The following CFAP221 variants were observed in gnomAD, a reference collection of about 807,000 sequenced individuals.
The protein encoded by CFAP221 is cilia and flagella associated protein 221.
CFAP221 carries 97 observed loss-of-function variants against 113.1 expected under a neutral mutation model. The ratio of observed to expected loss-of-function variants is 0.86; its 90% CI spans 0.73 to 1.02. The LOEUF (loss-of-function observed/expected upper bound fraction) is 1.02. CFAP221 is among the 50% of genes least tolerant of loss of function. The pLI, the probability that CFAP221 is intolerant of heterozygous loss-of-function variation, is 0.00. For missense variants in CFAP221, 1,025 were observed against 1,013.4 expected (o/e 1.01, Z -0.16); for synonymous variants, 331 against 354.4 (o/e 0.93, Z 0.74).
chr2:119,562,081 T>G lies in CFAP221; in HGVS notation c.494T>G (p.Phe165Cys). The G allele has an allele frequency of 1.3e-6, 2 of 1,535,080 alleles. No homozygotes were observed. The highest frequency in any genetic ancestry group is 1.7e-6 in the Non-Finnish European group (2 of 1,146,288). The part of the protein sequence containing the change: ...PVMNSLDFPS[F>C]INLSNVLLGE... The stretch of plus-strand genomic sequence containing the variant: ...ATGAACTCACTAGACTTTCCTTCAT[T>G]TATAAATCTGTCAAATGTTCTACTT... Residue 165 changes from phenylalanine to cysteine, a missense_variant, in exon 6 of 24, where the codon TTT becomes TGT. Phe to Cys is a radical substitution (Grantham distance 205, BLOSUM62 -2). Coordinates refer to ENST00000413369, the MANE Select transcript of CFAP221 (RefSeq NM_001271049.2).
intron 8 of CFAP221, chr2:119,602,886 C>T (rs1046952604): frequency 6.1e-5 from 36 of 585,732 alleles, no homozygotes; most frequent in African/African-American, 3.8e-4. Flanking sequence ...TTTACATGCA[C>T]GACAGCATTG....
In CFAP221 at chr2:119,562,046, C is replaced by T; in HGVS notation, c.459C>T (p.Ala153=). 1 of 1,535,290 alleles carries T rather than the reference C, an allele frequency of 6.5e-7. No individual in the cohort carries two copies. Among genetic ancestry groups the T allele is most frequent in the Non-Finnish European group, 8.7e-7 (1 of 1,146,580 alleles). The stretch of plus-strand genomic sequence containing the variant: ...ACACTTTGCTTGTTCCTATTCATGC[C>T]TATCCAGTCATGAACTCACTAGACT... ...GDDTLLVPIH[A]YPVMNSLDFP... is the part of the protein sequence containing the mutation. Residue 153 remains alanine (A), a synonymous_variant, in exon 6 of 24, where the codon GCC becomes GCT. Transcript: ENST00000413369.
intron 7 of CFAP221, among the ~76,000 whole-genome samples, 157 bp downstream of exon 7, chr2:119,587,379 T>C (rs1683297772): frequency 6.6e-6 from 1 of 152,268 alleles, no homozygotes; most frequent in African/African-American, 2.4e-5. Context: ...GGATCATTTG[T>C]ATCATGCAGA....
At chr2:119,574,247 A>T (rs954077336) in intron 6 of CFAP221, among the ~76,000 whole-genome samples, 17 of 143,750 alleles carry the variant, frequency 1.2e-4, no homozygotes, top group Non-Finnish European at 2.1e-4. Context: ...TGTATGTACC[A>T]GGGGCAGTGG....
intron 19 of CFAP221, 122 bp from the exon 20 acceptor site, chr2:119,638,133 AGCTG>A: frequency 1.1e-6 from 1 of 919,864 alleles, no homozygotes; most frequent in Non-Finnish European, 1.6e-6. Context: ...TTTCCAGACA[AGCTG>A]ACATGGAGTC....
intron 6 of CFAP221, among the ~76,000 whole-genome samples, chr2:119,562,754 A>G (rs1681350257): frequency 6.6e-6 from 1 of 152,174 alleles, no homozygotes; most frequent in Non-Finnish European, 1.5e-5. Flanking sequence ...CTAGATGGAT[A>G]TTGAGCTGTT....
intron 23 of CFAP221, among the ~76,000 whole-genome samples, chr2:119,653,953 C>T (rs567257604): frequency 1.3e-5 from 2 of 152,204 alleles, no homozygotes; most frequent in East Asian, 1.9e-4. Flanking sequence ...CTTGTTTTGC[C>T]TATTTTGCCT....
intron 1 of CFAP221, among the ~76,000 whole-genome samples, chr2:119,545,799 A>T (rs533226715): frequency 2.0e-5 from 3 of 152,312 alleles, no homozygotes; most frequent in African/African-American, 7.2e-5. Flanking sequence ...GGCCCCTGCA[A>T]TGAACTCAAG....
downstream of CFAP221, among the ~76,000 whole-genome samples, chr2:119,658,938 C>A (rs1289961383): frequency 6.6e-6 from 1 of 151,510 alleles, no homozygotes; most frequent in Non-Finnish European, 1.5e-5. Flanking sequence ...CTGCAGTGAG[C>A]CATGATCACA....
chr2:119,628,294 G>GGGGGGTGTGT (rs1553491014), intron 16 of CFAP221, among the ~76,000 whole-genome samples: 1 of 137,488 alleles, frequency 7.3e-6, no homozygotes, highest in East Asian at 2.2e-4. Flanking sequence ...CTCTCTGGGG[G>GGGGGGTGTGT]GTGTGTGTGT....
chr2:119,553,905 G>C (rs912703643), intron 3 of CFAP221, among the ~76,000 whole-genome samples: 5 of 152,152 alleles, frequency 3.3e-5, no homozygotes, highest in African/African-American at 1.2e-4. Flanking sequence ...TCACTTTAAT[G>C]TAAGAGTTGT....
chr2:119,568,990 G>GT (rs964138918), intron 6 of CFAP221, among the ~76,000 whole-genome samples: 3 of 151,652 alleles, frequency 2.0e-5, no homozygotes, highest in East Asian at 3.9e-4. Context: ...TGAGTCGGTG[G>GT]TTTTTTTTCC....
At chr2:119,565,160 C>G (rs1328482968) in intron 6 of CFAP221, among the ~76,000 whole-genome samples, 1 of 152,184 alleles carries the variant, frequency 6.6e-6, no homozygotes, top group African/African-American at 2.4e-5. Context: ...ACAGTACTTC[C>G]TCCTTCCCAC....
chr2:119,602,590 C>T (rs759684716), intron 8 of CFAP221: 195 of 981,190 alleles, frequency 2.0e-4, no homozygotes, highest in Non-Finnish European at 1.8e-4. Flanking sequence ...ATATTTATAT[C>T]ATGATTTTTC....
At chr2:119,572,543 CCCAA>C (rs1444782455) in intron 6 of CFAP221, 2 of 701,228 alleles carry the variant, frequency 2.9e-6, no homozygotes, top group African/African-American at 3.5e-5. Context: ...CTGTAGTTTA[CCCAA>C]CAGCGTCTTC....
chr2:119,605,682 G>A (rs1383749634), intron 11 of CFAP221, among the ~76,000 whole-genome samples: 1 of 152,160 alleles, frequency 6.6e-6, no homozygotes, highest in Non-Finnish European at 1.5e-5. Context: ...AGTGGGGTGA[G>A]GCTCTGGGGG....
intron 6 of CFAP221, among the ~76,000 whole-genome samples, chr2:119,566,281 G>A (rs1481113460): frequency 6.6e-6 from 1 of 152,176 alleles, no homozygotes; most frequent in Non-Finnish European, 1.5e-5. Flanking sequence ...TCTACTAAAA[G>A]TGAGTCGGCT....
intron 22 of CFAP221, among the ~76,000 whole-genome samples, chr2:119,650,462 T>C (rs1395840916): frequency 6.6e-6 from 1 of 152,234 alleles, no homozygotes; most frequent in East Asian, 1.9e-4. Context: ...GATACAAACA[T>C]ACCCAACTCC....
At chr2:119,625,742 G>A (rs370591485) in intron 15 of CFAP221, 54 bp downstream of exon 15, 28 of 1,446,756 alleles carry the variant, frequency 1.9e-5, no homozygotes, top group East Asian at 1.4e-4. Context: ...GCCTCTGAGC[G>A]TGAACTTTCC....
Sources: allele counts gnomAD v4.1 joint callset (sites outside exome capture counted in the v4.1 genomes callset), GRCh38; gene constraint gnomAD v4.1.1; transcripts MANE v1.5; gene names NCBI Gene and HGNC (gene_info 2026-07-23, HGNC 2026-07-21).